Variants in ATAD3A observed in about 807,000 individuals in gnomAD.
ATAD3A encodes ATPase family AAA domain containing 3A.
In ATAD3A, 46 loss-of-function variants were observed where a neutral mutation model predicts 73.8. The observed-to-expected ratio is 0.62, with a 90% CI of 0.49 to 0.80. ATAD3A has a LOEUF of 0.80. Ranked by LOEUF, ATAD3A falls within the 30% of genes least tolerant of loss-of-function variation. ATAD3A has a pLI of 0.00. For missense variants in ATAD3A, 705 were observed against 838.0 expected, an observed-to-expected ratio of 0.84 and a Z score of 1.96; for synonymous variants, 319 against 350.0, an observed-to-expected ratio of 0.91 and a Z score of 0.99.
rs967946869 is a variant in ATAD3A, at chr1:1,534,338, G to C, written c.*266G>C. The stretch of plus-strand genomic sequence containing the variant: ...GATGCATTTTCCGTCTGGCTCACAG[G>C]GGGAGGGTGAGGCTTTGCACCCCAG... On this transcript the variant is annotated 3_prime_UTR_variant, in exon 16 of 16. Transcript: ENST00000378756. The C allele has an allele frequency of 7.8e-6, 11 of 1,410,802 alleles. No individual in the cohort carries two copies. Among genetic ancestry groups the C allele is most frequent in the African/African-American group, 4.3e-5 (3 of 69,008 alleles). The allele number at this position is 1,410,802 out of a possible 1,614,324, so 87.4% of individuals were successfully genotyped here. A position where few individuals can be genotyped will look rare whatever the true frequency, so the allele number is the denominator to read the frequency against.
chr1:1,528,661 C>T (rs1348337491), intron 14 of ATAD3A, among the ~76,000 whole-genome samples: 2 of 152,258 alleles, frequency 1.3e-5, no homozygotes, highest in Non-Finnish European at 2.9e-5. Flanking sequence ...TCCAGATGAG[C>T]AGAGGCTGCT....
intron 15 of ATAD3A, among the ~76,000 whole-genome samples, chr1:1,531,960 C>A (rs952676410): frequency 6.6e-6 from 1 of 152,068 alleles, no homozygotes; most frequent in African/African-American, 2.4e-5. Flanking sequence ...ATCTTGAATT[C>A]TTTTCTCATA....
In ATAD3A at chr1:1,534,197, C is replaced by G. The variant is rs954116891; in HGVS notation, c.*125C>G. The G allele has an allele frequency of 2.6e-6, 4 of 1,548,412 alleles. No homozygotes were observed. Among genetic ancestry groups the G allele is most frequent in the East Asian group, 2.5e-5 (1 of 40,546 alleles). ...ACTGGGCTGTGCCCAGGGCCTCTGT[C>G]CCCCAGGATGTCTTGTGGTGCGGGT... On this transcript the variant is annotated 3_prime_UTR_variant, in exon 16 of 16. Coordinates refer to ENST00000378756, the MANE Select transcript of ATAD3A (RefSeq NM_001170535.3).
intron 14 of ATAD3A, 96 bp downstream of exon 14, chr1:1,527,958 C>CTTTTT (rs376072450): frequency 1.5e-5 from 15 of 981,192 alleles, no homozygotes; most frequent in South Asian, 2.3e-5. Flanking sequence ...TTTAACATTC[C>CTTTTT]TTTTTTTTTT....
At chr1:1,519,655 G>A (rs1641512975) in intron 5 of ATAD3A, among the ~76,000 whole-genome samples, 1 of 121,814 alleles carries the variant, frequency 8.2e-6, no homozygotes, top group Non-Finnish European at 1.7e-5. Flanking sequence ...GGCTTGTGGC[G>A]AGGTGTGTGC....
At chr1:1,515,497 A>G (rs1392290328) in intron 1 of ATAD3A, among the ~76,000 whole-genome samples, 2 of 152,150 alleles carry the variant, frequency 1.3e-5, no homozygotes, top group Non-Finnish European at 2.9e-5. Flanking sequence ...ACACCCAAAC[A>G]TCGACCTGTG....
At chr1:1,516,140 C>T (rs549943434) in intron 2 of ATAD3A, 52 bp downstream of exon 2, 2 of 1,609,694 alleles carry the variant, frequency 1.2e-6, no homozygotes, top group South Asian at 1.1e-5. Flanking sequence ...GGGGTTCGGG[C>T]ATGGAGATTG....
At position 1,525,768 on chromosome 1, in the gene ATAD3A, C is replaced by A. The variant is rs149403205; in HGVS notation, c.1266+477C>A. Among the ~76,000 whole-genome samples the A allele has an allele frequency of 2.0e-5, 3 of 152,004 alleles. No individual in the cohort carries two copies. In the East Asian group the frequency reaches 5.8e-4, roughly 29 times the overall value. On this transcript the variant is annotated intron_variant, in intron 12 of 15. Transcript: ENST00000378756. Reference sequence around the variant, plus strand: ...TGTCGCCCAGGCTGGAGTGCAGGGGCGATCACAGCTCACTGTTGCCTCGAC... The same window carrying A: ...TGTCGCCCAGGCTGGAGTGCAGGGGAGATCACAGCTCACTGTTGCCTCGAC...
intron 15 of ATAD3A, among the ~76,000 whole-genome samples, chr1:1,532,775 C>A (rs1330887843): frequency 6.6e-6 from 1 of 152,196 alleles, no homozygotes; most frequent in Admixed American, 6.5e-5. Context: ...GTTGAGCAGT[C>A]CTGGGCCCCG....
At chr1:1,526,033 T>C (rs1285483541) in intron 12 of ATAD3A, among the ~76,000 whole-genome samples, 1 of 151,546 alleles carries the variant, frequency 6.6e-6, no homozygotes, top group African/African-American at 2.4e-5. Flanking sequence ...TTTCTTTTTT[T>C]TTTTTTTAAG....
intron 1 of ATAD3A, among the ~76,000 whole-genome samples, chr1:1,514,960 A>G (rs1245301951): frequency 6.6e-6 from 1 of 152,020 alleles, no homozygotes; most frequent in Non-Finnish European, 1.5e-5. Context: ...CGCAACATCC[A>G]CCTCCTGGGT....
chr1:1,526,782 C>T (rs1366612514), intron 13 of ATAD3A, among the ~76,000 whole-genome samples: 1 of 152,242 alleles, frequency 6.6e-6, no homozygotes, highest in Non-Finnish European at 1.5e-5. Flanking sequence ...GCGCCGCCGC[C>T]CCAGCTTGCA....
intron 2 of ATAD3A, among the ~76,000 whole-genome samples, chr1:1,516,417 C>T (rs1324696306): frequency 3.4e-5 from 5 of 149,008 alleles, no homozygotes; most frequent in African/African-American, 1.0e-4. Flanking sequence ...TGTTTTATTT[C>T]GTTTTATTTA....
chr1:1,520,146 G>T lies in ATAD3A; in HGVS notation c.520G>T (p.Val174Leu). The T allele has an allele frequency of 6.2e-7, 1 of 1,610,252 alleles. No individual in the cohort carries two copies. The highest frequency in any genetic ancestry group is 8.5e-7 in the Non-Finnish European group (1 of 1,179,284). Reference protein sequence around the residue: ...QKQEAMRRATVEREMELRHKN... With the variant: ...QKQEAMRRATLEREMELRHKN... ...GCCCTGCCTCTCTGGGGCAGCCACC[G>T]TGGAGCGGGAGATGGAGCTGCGGCA... The change falls in exon 6 of 16, where the codon GTG (valine) becomes TTG (leucine). Residue 174 changes from valine (V) to leucine (L), a missense_variant. Coordinates refer to ENST00000378756, the MANE Select transcript of ATAD3A (RefSeq NM_001170535.3). This position sits in a 1 kb window ranked among gnomAD's most constrained non-coding sequence, Gnocchi z 4.0.
intron 7 of ATAD3A, among the ~76,000 whole-genome samples, chr1:1,522,361 C>T (rs774136632): frequency 3.3e-5 from 5 of 152,076 alleles, no homozygotes; most frequent in South Asian, 4.1e-4. Flanking sequence ...ATTTTTAAAA[C>T]GAGTTAGAGA....
At chr1:1,526,236 G>C (rs1641838647) in intron 12 of ATAD3A, among the ~76,000 whole-genome samples, 1 of 151,934 alleles carries the variant, frequency 6.6e-6, no homozygotes, top group Non-Finnish European at 1.5e-5. Flanking sequence ...GGCCAGGATG[G>C]TCTCAAACTC....
At chr1:1,526,122 C>A (rs1385530040) in intron 12 of ATAD3A, among the ~76,000 whole-genome samples, 2 of 151,568 alleles carry the variant, frequency 1.3e-5, no homozygotes, top group Non-Finnish European at 2.9e-5. Flanking sequence ...TCCCAGGTTT[C>A]AGTGATTCTC....
rs1278868758 is a variant in ATAD3A, at chr1:1,516,025, C to T, written c.219C>T (p.Asp73=). 31 of 1,613,944 alleles carry T rather than the reference C, an allele frequency of 1.9e-5. 1 individual carries two copies. The highest frequency in any genetic ancestry group is 4.4e-5 in the South Asian group (4 of 91,084). ...RELEHSRYAK[D]ALNLAQMQEQ... is the part of the protein sequence containing the mutation. The stretch of plus-strand genomic sequence containing the variant: ...TTGCGTCTGCAGGTTATGCCAAGGA[C>T]GCCCTGAATCTGGCACAGATGCAGG... The change falls in exon 2 of 16, where the codon GAC becomes GAT. Residue 73 remains aspartate (D), a synonymous_variant. Coordinates refer to ENST00000378756, the MANE Select transcript of ATAD3A (RefSeq NM_001170535.3).
intron 4 of ATAD3A, among the ~76,000 whole-genome samples, chr1:1,518,080 C>T (rs531129271): frequency 5.3e-5 from 8 of 150,420 alleles, no homozygotes; most frequent in African/African-American, 1.5e-4. Context: ...CACACACACA[C>T]CCCTGCACAC....
Sources: gnomAD v4.1 joint callset for allele counts (sites outside exome capture counted in the v4.1 genomes callset) on GRCh38, gnomAD v4.1.1 for gene constraint, Gnocchi (gnomAD v3.1) non-coding constraint, MANE v1.5 for transcripts, NCBI Gene and HGNC (gene_info 2026-07-23, HGNC 2026-07-21) for gene names.